Variants in FBXL7 observed in about 807,000 individuals in gnomAD.
FBXL7 encodes the protein F-box and leucine rich repeat protein 7.
A neutral mutation model predicts 38.3 loss-of-function variants in FBXL7; 12 were observed. That is an observed-to-expected ratio of 0.31 (90% confidence interval 0.20 to 0.51). FBXL7 has a LOEUF of 0.51. Among genes scored for constraint, FBXL7 ranks in the 20% least tolerant of loss-of-function variants. FBXL7 has a pLI of 0.98. For synonymous variants in FBXL7, 297 were observed against 300.9 expected (o/e 0.99, Z 0.13); for missense variants, 567 against 676.4 (o/e 0.84, Z 1.79).
intron 2 of FBXL7, among the ~76,000 whole-genome samples, chr5:15,784,948 A>T (rs940809148): frequency 3.3e-5 from 5 of 152,170 alleles, no homozygotes; most frequent in African/African-American, 9.7e-5. Flanking sequence ...ATGTGTTCAT[A>T]TGTCACTGCC....
intron 1 of FBXL7, among the ~76,000 whole-genome samples, chr5:15,582,679 T>C (rs1388386886): frequency 6.6e-6 from 1 of 152,218 alleles, no homozygotes; most frequent in Admixed American, 6.5e-5. Context: ...GTGCAGTTTC[T>C]TAGGTTAAAT....
chr5:15,559,777 A>T (rs967391690), intron 1 of FBXL7, among the ~76,000 whole-genome samples: 13 of 152,238 alleles, frequency 8.5e-5, no homozygotes, highest in African/African-American at 2.7e-4. Flanking sequence ...AAACGCCTGG[A>T]GGCATGATTG....
At position 15,597,235 on chromosome 5, in the gene FBXL7, C is replaced by T. The variant is rs78654855; in HGVS notation, c.38-18748C>T. ...TTGTTGGTGGGGAGAAACCACCATC[C>T]GCACACATTTTGGTGACCAGAAGTC... On this transcript the variant is annotated intron_variant, in intron 1 of 3. Coordinates refer to ENST00000504595, the MANE Select transcript of FBXL7 (RefSeq NM_012304.5). Among the ~76,000 whole-genome samples, 591 of 152,152 alleles carry T rather than the reference C, an allele frequency of 3.9e-3. 1 individual carries two copies. The highest frequency in any genetic ancestry group is 0.013 in the African/African-American group (552 of 41,494).
At chr5:15,625,496 T>C (rs1740782523) in intron 2 of FBXL7, among the ~76,000 whole-genome samples, 1 of 152,016 alleles carries the variant, frequency 6.6e-6, no homozygotes, top group Non-Finnish European at 1.5e-5. Flanking sequence ...CTACTAAAAA[T>C]ACAAAAAATT....
chr5:15,723,375 G>A (rs574646936), intron 2 of FBXL7, among the ~76,000 whole-genome samples: 65 of 152,234 alleles, frequency 4.3e-4, no homozygotes, highest in Non-Finnish European at 8.2e-4. Context: ...GGCTATAGAC[G>A]TGACACACTT....
intron 2 of FBXL7, among the ~76,000 whole-genome samples, chr5:15,738,923 C>T (rs1735825765): frequency 6.6e-6 from 1 of 152,214 alleles, no homozygotes; most frequent in African/African-American, 2.4e-5. Flanking sequence ...TGCCTGTCCA[C>T]AGACATCTGA....
intron 1 of FBXL7, among the ~76,000 whole-genome samples, chr5:15,553,331 T>A (rs1738141273): frequency 6.6e-6 from 1 of 152,240 alleles, no homozygotes; most frequent in Non-Finnish European, 1.5e-5. Flanking sequence ...CTCTTTACCT[T>A]GTTGGCCTCT....
intron 1 of FBXL7, among the ~76,000 whole-genome samples, chr5:15,603,607 C>T (rs1739880358): frequency 6.6e-6 from 1 of 152,224 alleles, no homozygotes; most frequent in Non-Finnish European, 1.5e-5. Flanking sequence ...AAGAATTCAT[C>T]TGTGAACTGC....
At chr5:15,732,053 GA>G (rs1484586354) in intron 2 of FBXL7, among the ~76,000 whole-genome samples, 2 of 152,304 alleles carry the variant, frequency 1.3e-5, no homozygotes, top group Middle Eastern at 3.4e-3. Flanking sequence ...TGAATCTTAG[GA>G]GCTGTTTTGC....
chr5:15,728,244 T>C (rs1286113836), intron 2 of FBXL7, among the ~76,000 whole-genome samples: 3 of 152,166 alleles, frequency 2.0e-5, no homozygotes, highest in African/African-American at 7.2e-5. Flanking sequence ...GTTTGTTTTT[T>C]TCCTCTGAAT....
intron 2 of FBXL7, among the ~76,000 whole-genome samples, chr5:15,632,136 C>G (rs1437218610): frequency 6.6e-6 from 1 of 152,088 alleles, no homozygotes; most frequent in Non-Finnish European, 1.5e-5. Context: ...CTAGACTTTT[C>G]AGAGCTTTTC....
At chr5:15,534,617 T>C (rs1737526739) in intron 1 of FBXL7, among the ~76,000 whole-genome samples, 1 of 152,258 alleles carries the variant, frequency 6.6e-6, no homozygotes, top group Non-Finnish European at 1.5e-5. Context: ...AAAGCAGTTA[T>C]AAAATCTGTG....
intron 2 of FBXL7, among the ~76,000 whole-genome samples, chr5:15,673,064 C>T (rs117571594): frequency 0.023 from 3,476 of 152,144 alleles, 75 homozygotes; most frequent in East Asian, 0.051. Context: ...CAGTGGCTCA[C>T]GCCTGTAATC....
intron 3 of FBXL7, among the ~76,000 whole-genome samples, chr5:15,930,648 G>C (rs149621492): frequency 2.0e-5 from 3 of 152,160 alleles, no homozygotes; most frequent in Admixed American, 2.0e-4. Context: ...TACTTTGAAA[G>C]TTCAAATATA....
At chr5:15,766,035 T>TCTGC (rs1225372966) in intron 2 of FBXL7, among the ~76,000 whole-genome samples, 1 of 130,524 alleles carries the variant, frequency 7.7e-6, no homozygotes, top group Non-Finnish European at 1.7e-5. Flanking sequence ...TGTCTGTCTG[T>TCTGC]CTGTCTATCT....
intron 2 of FBXL7, among the ~76,000 whole-genome samples, chr5:15,676,554 G>A (rs1742661452): frequency 6.6e-6 from 1 of 152,150 alleles, no homozygotes; most frequent in African/African-American, 2.4e-5. Flanking sequence ...GGCTATCTCA[G>A]ACAGTTTTAC....
In FBXL7 at chr5:15,730,919, A is replaced by G. The variant is rs146638275; in HGVS notation, c.127+114847A>G. ...ATAGAATTCATTACTCTAATGTTCTATTGCCTATAAAACAGAGATTGAAAC... is the reference window on the plus strand; with the variant it reads ...ATAGAATTCATTACTCTAATGTTCTGTTGCCTATAAAACAGAGATTGAAAC... On this transcript the variant is annotated intron_variant, in intron 2 of 3. Coordinates refer to ENST00000504595, the MANE Select transcript of FBXL7 (RefSeq NM_012304.5). Among the ~76,000 whole-genome samples the G allele has an allele frequency of 2.4e-3, 359 of 152,308 alleles. 3 individuals carry two copies. Among genetic ancestry groups the G allele is most frequent in the African/African-American group, 8.2e-3 (342 of 41,566 alleles).
chr5:15,647,198 A>C (rs2126564737), intron 2 of FBXL7, among the ~76,000 whole-genome samples: 1 of 152,354 alleles, frequency 6.6e-6, no homozygotes, highest in Middle Eastern at 3.4e-3. Flanking sequence ...TTGTAAAGAA[A>C]TATCATTAAT....
At chr5:15,588,384 A>AT (rs369831084) in intron 1 of FBXL7, among the ~76,000 whole-genome samples, 15,370 of 137,690 alleles carry the variant, frequency 0.11, 971 homozygotes, top group South Asian at 0.19. Context: ...CTATGTTGTA[A>AT]TTTTTTTTTT....
Sources: gnomAD v4.1 joint callset for allele counts (sites outside exome capture counted in the v4.1 genomes callset) on GRCh38, gnomAD v4.1.1 for gene constraint, MANE v1.5 for transcripts, NCBI Gene and HGNC (gene_info 2026-07-23, HGNC 2026-07-21) for gene names.